The following PCNX2 variants were observed in gnomAD, a reference collection of about 807,000 sequenced individuals.
PCNX2 encodes the protein pecanex-like protein 2.
A neutral mutation model predicts 223.8 loss-of-function variants in PCNX2; 168 were observed. The ratio of observed to expected loss-of-function variants is 0.75; its 90% CI spans 0.66 to 0.85. PCNX2 has a LOEUF of 0.85. PCNX2 is among the 40% of genes least tolerant of loss of function. The pLI is 0.00. For synonymous variants in PCNX2, 1,006 were observed against 1,052.6 expected (o/e 0.96, Z 0.86); for missense variants, 2,507 against 2,675.5 (o/e 0.94, Z 1.39).
At chr1:233,320,486 G>A in the PCNX2 span, among the ~76,000 whole-genome samples, 1 of 152,008 alleles carries the variant, frequency 6.6e-6, no homozygotes, top group Non-Finnish European at 1.5e-5. Context: ...TTTTATACTT[G>A]TTCCTTTCCT....
intron 10 of PCNX2, among the ~76,000 whole-genome samples, chr1:233,224,402 T>G (rs1160212460): frequency 6.6e-6 from 1 of 152,182 alleles, no homozygotes; most frequent in Non-Finnish European, 1.5e-5. Flanking sequence ...AAGAAAACAT[T>G]TTTAAGGAAG....
chr1:233,126,979 C>T lies in PCNX2; in HGVS notation c.3837+8034G>A, dbSNP rs903569751. On this transcript the variant is annotated intron_variant, in intron 21 of 33. Transcript: ENST00000258229. This position sits in a 1 kb window ranked among gnomAD's most constrained non-coding sequence, Gnocchi z 4.8. ...CTGATCACTAAACGTAATCAATTCT[C>T]TCTCAAACGCCTCCTGAATTTGTTC... Among the ~76,000 whole-genome samples the T allele has an allele frequency of 6.6e-6, 1 of 152,130 alleles. No individual in the cohort carries two copies. The highest frequency in any genetic ancestry group is 1.5e-5 in the Non-Finnish European group (1 of 68,026).
At chr1:233,058,058 C>A in intron 23 of PCNX2, 1 of 985,098 alleles carries the variant, frequency 1.0e-6, no homozygotes, top group South Asian at 4.7e-5. Context: ...TGAAAGCTCT[C>A]GGATCATCTG....
the PCNX2 span, among the ~76,000 whole-genome samples, chr1:233,301,404 G>C: frequency 6.6e-6 from 1 of 152,132 alleles, no homozygotes; most frequent in Non-Finnish European, 1.5e-5. Flanking sequence ...TGAAAATAAA[G>C]GGAAAATGCT....
chr1:233,289,561 G>A (rs1661641219), intron 1 of PCNX2: 1 of 621,746 alleles, frequency 1.6e-6, no homozygotes. Flanking sequence ...GCTTCAGGCA[G>A]GTGAGGGCAG....
chr1:233,210,539 A>T (rs1048206955), intron 12 of PCNX2: 1 of 975,758 alleles, frequency 1.0e-6, no homozygotes, highest in African/African-American at 1.8e-5. Flanking sequence ...TTGGCCTCCC[A>T]AAGTGCTGGG....
At chr1:233,105,195 T>C (rs530791410) in intron 21 of PCNX2, among the ~76,000 whole-genome samples, 1 of 152,162 alleles carries the variant, frequency 6.6e-6, no homozygotes, top group Non-Finnish European at 1.5e-5. Flanking sequence ...AATCTATAAA[T>C]GTATAAAAAC....
intron 26 of PCNX2, among the ~76,000 whole-genome samples, chr1:233,022,263 C>T (rs923580566): frequency 6.6e-6 from 1 of 152,136 alleles, no homozygotes; most frequent in Non-Finnish European, 1.5e-5. Flanking sequence ...TCCCCAGAAC[C>T]TTTGTTCATT....
At chr1:233,166,468 G>GT (rs1475156839) in intron 17 of PCNX2, among the ~76,000 whole-genome samples, 3 of 56,396 alleles carry the variant, frequency 5.3e-5, no homozygotes. Flanking sequence ...AAAGACTAGG[G>GT]AAAAAAAAAT....
At chr1:233,021,541 T>C (rs1466947777) in intron 26 of PCNX2, among the ~76,000 whole-genome samples, 1 of 152,078 alleles carries the variant, frequency 6.6e-6, no homozygotes, top group Non-Finnish European at 1.5e-5. Flanking sequence ...GCCCATGGAA[T>C]TCGAATGTGT....
intron 26 of PCNX2, 114 bp from the exon 27 acceptor site, chr1:233,017,268 T>TGCTG: frequency 1.6e-6 from 1 of 643,658 alleles, no homozygotes. Flanking sequence ...TTGTATGTTC[T>TGCTG]GCTGGGTGTA....
chr1:232,986,533 CCTCCTGCCTTTA>C lies in PCNX2; in HGVS notation c.5792-5_5798del. On this transcript the variant is annotated splice_acceptor_variant and splice_polypyrimidine_tract_variant and coding_sequence_variant and intron_variant, in exon 33 of 34. Transcript: ENST00000258229. LOFTEE classifies it high-confidence loss of function. ...CCTGCACGGACTGGCTCCTGCCTTTCCTCCTGCCTTTAAAAGAAAGCAGAACACAGAGTTGTA... is the reference window on the plus strand; with the variant it reads ...CCTGCACGGACTGGCTCCTGCCTTTCAAAGAAAGCAGAACACAGAGTTGTA... The C allele has an allele frequency of 7.2e-6, 11 of 1,523,470 alleles. No individual in the cohort carries two copies. The highest frequency in any genetic ancestry group is 9.7e-6 in the Non-Finnish European group (11 of 1,135,996). The allele number at this position is 1,523,470 out of a possible 1,614,324, so 94.4% of individuals were successfully genotyped here. A position where few individuals can be genotyped will look rare whatever the true frequency, so the allele number is the denominator to read the frequency against.
In PCNX2 at chr1:233,171,474, G is replaced by C. The variant is rs143903379; in HGVS notation, c.3273+6328C>G. 2.0e-5 allele frequency among the ~76,000 whole-genome samples: 3 copies of C among 152,204 alleles called. No individual in the cohort carries two copies. The East Asian group carries it at 5.8e-4, about 29-fold the overall frequency. ...CTAGGAGTAAAGTTCTAGCTTGGTA[G>C]TTACTTTCTTTACACATCATTAAGT... is the stretch of plus-strand genomic sequence containing the variant. On this transcript the variant is annotated intron_variant, in intron 17 of 33. Coordinates refer to ENST00000258229, the MANE Select transcript of PCNX2 (RefSeq NM_014801.4).
intron 17 of PCNX2, 122 bp downstream of exon 17, chr1:233,177,680 C>G (rs1020233110): frequency 1.3e-6 from 1 of 772,542 alleles, no homozygotes; most frequent in South Asian, 2.1e-5. Flanking sequence ...AGGTACCAAG[C>G]GAGGTGTATC....
At chr1:233,280,242 T>C (rs1265048280) in intron 1 of PCNX2, among the ~76,000 whole-genome samples, 6 of 152,098 alleles carry the variant, frequency 3.9e-5, no homozygotes, top group Non-Finnish European at 7.3e-5. Context: ...ACTTTGAACG[T>C]ACATCCCTTT....
At chr1:233,137,300 G>C (rs1676866903) in intron 20 of PCNX2, among the ~76,000 whole-genome samples, 1 of 146,184 alleles carries the variant, frequency 6.8e-6, no homozygotes, top group Non-Finnish European at 1.5e-5. Flanking sequence ...GAGTGAGTGT[G>C]AGTGTGGGTG....
the PCNX2 span, among the ~76,000 whole-genome samples, chr1:233,322,227 T>C: frequency 1.3e-5 from 2 of 152,108 alleles, no homozygotes; most frequent in African/African-American, 4.8e-5. Flanking sequence ...TAAATATACA[T>C]TTGCCACCCG....
intron 21 of PCNX2, among the ~76,000 whole-genome samples, chr1:233,132,274 C>T (rs1352907236): frequency 6.6e-6 from 1 of 152,082 alleles, no homozygotes; most frequent in East Asian, 1.9e-4. Flanking sequence ...AGATCACGTC[C>T]TTGTCAGGTT....
At chr1:233,272,543 T>G (rs778924451) in intron 1 of PCNX2, among the ~76,000 whole-genome samples, 40 of 152,172 alleles carry the variant, frequency 2.6e-4, no homozygotes, top group Admixed American at 5.9e-4. Flanking sequence ...ACACTGCTGG[T>G]GGGAATGTGA....
Sources: gnomAD v4.1 joint callset for allele counts (sites outside exome capture counted in the v4.1 genomes callset) on GRCh38, gnomAD v4.1.1 for gene constraint, Gnocchi (gnomAD v3.1) non-coding constraint, MANE v1.5 for transcripts, NCBI Gene and HGNC (gene_info 2026-07-23, HGNC 2026-07-21) for gene names.